Variants in ZNF569 observed in about 807,000 individuals in gnomAD.
ZNF569 encodes the protein zinc finger protein 569.
ZNF569 carries 38 observed loss-of-function variants against 56.3 expected under a neutral mutation model. That is an observed-to-expected ratio of 0.68 (90% CI 0.52 to 0.88). The LOEUF is 0.88. Among genes scored for constraint, ZNF569 ranks in the 40% least tolerant of loss-of-function variants. The pLI is 0.00. For missense variants in ZNF569, 666 were observed against 809.2 expected, an observed-to-expected ratio of 0.82 and a Z score of 2.15; for synonymous variants, 241 against 262.9, an observed-to-expected ratio of 0.92 and a Z score of 0.81.
At chr19:37,469,019 C>T, upstream of ZNF569, 1 of 983,064 alleles carries the variant, frequency 1.0e-6, no homozygotes. Context: ...CAACTCCCCG[C>T]CCTGGTTGCT....
intron 3 of ZNF569, among the ~76,000 whole-genome samples, chr19:37,428,076 C>T (rs1353009348): frequency 3.3e-5 from 5 of 152,044 alleles, no homozygotes; most frequent in Non-Finnish European, 7.4e-5. Context: ...GCCCCTAGCT[C>T]AAGAGTGAGA....
At chr19:37,440,133 AT>A (rs1481903823) in intron 3 of ZNF569, among the ~76,000 whole-genome samples, 1 of 152,210 alleles carries the variant, frequency 6.6e-6, no homozygotes, top group East Asian at 1.9e-4. Flanking sequence ...GTATGCCTGT[AT>A]CAAAATACCT....
At chr19:37,445,352 A>C (rs751996214) in intron 2 of ZNF569, among the ~76,000 whole-genome samples, 1 of 152,238 alleles carries the variant, frequency 6.6e-6, no homozygotes, top group South Asian at 2.1e-4. Flanking sequence ...AAAAGGTGAT[A>C]TATCTTGAGG....
intron 3 of ZNF569, among the ~76,000 whole-genome samples, chr19:37,440,852 CTT>C (rs1555837968): frequency 6.6e-6 from 1 of 152,156 alleles, no homozygotes; most frequent in Non-Finnish European, 1.5e-5. Flanking sequence ...TAGATGAAGA[CTT>C]AATATGGCAA....
rs1252249227 is a variant in ZNF569, at chr19:37,413,008, A to G, written c.1650T>C (p.Tyr550=). Reference sequence around the variant, plus strand: ...AGGCTTTACCACATTTATCACATTCATAAGGCTTTTCCCCTGTATGACTTC... The same window carrying G: ...AGGCTTTACCACATTTATCACATTCGTAAGGCTTTTCCCCTGTATGACTTC... ...HLRSHTGEKP[Y]ECDKCGKAFS... Residue 550 remains tyrosine, a synonymous_variant, in exon 6 of 6, where the codon TAT becomes TAC. Coordinates refer to ENST00000316950, the MANE Select transcript of ZNF569 (RefSeq NM_152484.3). The G allele has an allele frequency of 5.0e-6, 8 of 1,613,896 alleles. No homozygotes were observed. The highest frequency in any genetic ancestry group is 2.2e-5 in the South Asian group (2 of 91,052).
In ZNF569 at chr19:37,414,439, A is replaced by T. The variant is rs753602918; in HGVS notation, c.239-20T>A. The T allele has an allele frequency of 3.9e-6, 6 of 1,528,374 alleles. No homozygotes were observed. In the East Asian group the frequency reaches 1.4e-4, roughly 35 times the overall value. 94.7% of individuals were successfully genotyped at this position (1,528,374 alleles called of 1,614,324 possible). ...TTTCTCCTAAAACAGATTGCAAATA[A>T]ATATCACTTACAAATTTTTTTCCAA... is the stretch of plus-strand genomic sequence containing the variant. On this transcript the variant is annotated intron_variant, in intron 5 of 5. Transcript: ENST00000316950.
chr19:37,443,786 C>T (rs1391137430), intron 3 of ZNF569, among the ~76,000 whole-genome samples: 4 of 151,220 alleles, frequency 2.6e-5, no homozygotes, highest in Non-Finnish European at 5.9e-5. Context: ...GCAGGTGGAT[C>T]ACTTGAGGTC....
At chr19:37,464,981 A>T (rs2041808960) in intron 2 of ZNF569, among the ~76,000 whole-genome samples, 1 of 152,144 alleles carries the variant, frequency 6.6e-6, no homozygotes, top group South Asian at 2.1e-4. Flanking sequence ...GCCCAATTTG[A>T]TCTGCCCTCC....
intron 5 of ZNF569, 189 bp downstream of exon 5, chr19:37,425,679 G>A: frequency 2.1e-6 from 1 of 480,008 alleles, no homozygotes. Flanking sequence ...TGCCCAGGCT[G>A]GTCCCAAACT....
intron 5 of ZNF569, among the ~76,000 whole-genome samples, chr19:37,425,371 G>C (rs2146887081): frequency 6.7e-6 from 1 of 148,172 alleles, no homozygotes; most frequent in East Asian, 2.0e-4. Flanking sequence ...GCCCAGGCTG[G>C]AGTGCAGTGG....
At position 37,413,864 on chromosome 19, in the gene ZNF569, G is replaced by T; in HGVS notation, c.794C>A (p.Thr265Asn). The T allele has an allele frequency of 6.2e-7, 1 of 1,613,448 alleles. No homozygotes were observed. Among genetic ancestry groups the T allele is most frequent in the Non-Finnish European group, 8.5e-7 (1 of 1,179,908 alleles). ...CTTACATGCATAGGGCTTCTCTCCA[G>T]TATGAATTCTTTGATGTCTAATGAG... The part of the protein sequence containing the change: ...SNLIRHQRIH[T>N]GEKPYACKEC... Residue 265 changes from threonine to asparagine, a missense_variant, in exon 6 of 6, where the codon ACT (threonine) becomes AAT (asparagine). By Grantham distance (65) the Thr-to-Asn change is moderately conservative (BLOSUM62 0). Transcript: ENST00000316950.
chr19:37,469,241 G>A, upstream of ZNF569: 2 of 1,376,724 alleles, frequency 1.5e-6, no homozygotes, highest in Non-Finnish European at 9.4e-7. Context: ...CACCGCTGCT[G>A]CCAGACACTG....
At chr19:37,462,765 C>T (rs1201719749) in intron 2 of ZNF569, among the ~76,000 whole-genome samples, 1 of 152,182 alleles carries the variant, frequency 6.6e-6, no homozygotes, top group Non-Finnish European at 1.5e-5. Flanking sequence ...TTTGCCTCTA[C>T]CTTTCTCTAT....
Position 37,413,221 on chromosome 19 carries a change from T to C in ZNF569, c.1437A>G (p.Ser479=). ...KECGKAFSQK[S]NLIAHEKIHS... is the part of the protein sequence containing the mutation. Reference sequence around the variant, plus strand: ...GAATTTTTTCATGAGCAATGAGATTTGATTTCTGGCTAAAGGCTTTCCCAC... The same window carrying C: ...GAATTTTTTCATGAGCAATGAGATTCGATTTCTGGCTAAAGGCTTTCCCAC... Residue 479 remains serine, a synonymous_variant, in exon 6 of 6, where the codon TCA becomes TCG. Coordinates refer to ENST00000316950, the MANE Select transcript of ZNF569 (RefSeq NM_152484.3). 1.2e-6 allele frequency: 2 copies of C among 1,610,598 alleles called. No individual in the cohort carries two copies. The highest frequency in any genetic ancestry group is 1.7e-6 in the Non-Finnish European group (2 of 1,178,902).
chr19:37,428,524 T>TAA lies in ZNF569; in HGVS notation c.16-2148_16-2147dup, dbSNP rs577659092. Among the ~76,000 whole-genome samples the TAA allele has an allele frequency of 7.2e-3, 636 of 87,902 alleles. 7 individuals are homozygous for TAA. Among genetic ancestry groups the TAA allele is most frequent in the South Asian group, 0.019 (53 of 2,734 alleles). The allele number at this position is 87,902 out of a possible 152,430, so 57.7% of individuals were successfully genotyped here. A position where few individuals can be genotyped will look rare whatever the true frequency, so the allele number is the denominator to read the frequency against. On this transcript the variant is annotated intron_variant, in intron 3 of 5. Coordinates refer to ENST00000316950, the MANE Select transcript of ZNF569 (RefSeq NM_152484.3). ...GGCAATAGAACAAGACCCTGTCTCT[T>TAA]AAAAAAAAAAAAAAAAAAAAAGCTG...
At position 37,412,634 on chromosome 19, in the gene ZNF569, G is replaced by A. The variant is rs545354210; in HGVS notation, c.2024C>T (p.Ser675Leu). ...AATTCTCTGGTGTCTAACAAGGTGCGACTTTTGGCTGAAAGCCTTGCCACA... is the reference window on the plus strand; with the variant it reads ...AATTCTCTGGTGTCTAACAAGGTGCAACTTTTGGCTGAAAGCCTTGCCACA... ...IECGKAFSQKSHLVRHQRIHT... is the reference protein window; with the variant it reads ...IECGKAFSQKLHLVRHQRIHT... The change falls in exon 6 of 6, where the codon TCG becomes TTG. Residue 675 changes from serine (S) to leucine (L), a missense_variant. By Grantham distance (145) the Ser-to-Leu change is moderately radical. Transcript: ENST00000316950. 29 of 1,609,902 alleles carry A rather than the reference G, an allele frequency of 1.8e-5. 1 individual carries two copies. The highest frequency in any genetic ancestry group is 1.1e-4 in the South Asian group (10 of 90,402).
At chr19:37,450,212 GAGA>G (rs2041569930) in intron 2 of ZNF569, among the ~76,000 whole-genome samples, 2 of 152,168 alleles carry the variant, frequency 1.3e-5, no homozygotes, top group Admixed American at 1.3e-4. Flanking sequence ...GAAAGATTTT[GAGA>G]AGGATTTCCA....
intron 3 of ZNF569, among the ~76,000 whole-genome samples, chr19:37,429,417 G>C (rs1333864500): frequency 6.6e-6 from 1 of 152,234 alleles, no homozygotes; most frequent in African/African-American, 2.4e-5. Flanking sequence ...TACAGGACCA[G>C]CCTTGAACTT....
At position 37,411,742 on chromosome 19, in the gene ZNF569, C is replaced by A. The variant is rs1293431814; in HGVS notation, c.*855G>T. Reference sequence around the variant, plus strand: ...AAAGCTAAAATTTTTCTCCTATGAACCTTCCATTTATTAAATAAGCCATTC... The same window carrying A: ...AAAGCTAAAATTTTTCTCCTATGAAACTTCCATTTATTAAATAAGCCATTC... On this transcript the variant is annotated 3_prime_UTR_variant, in exon 6 of 6. Coordinates refer to ENST00000316950, the MANE Select transcript of ZNF569 (RefSeq NM_152484.3). 6.6e-6 allele frequency: 1 copy of A among 152,048 alleles called. No homozygotes were observed. The highest frequency in any genetic ancestry group is 1.9e-4 in the East Asian group (1 of 5,198). The allele number at this position is 152,048 out of a possible 1,614,324, so 9.4% of individuals were successfully genotyped here. A position where few individuals can be genotyped will look rare whatever the true frequency, so the allele number is the denominator to read the frequency against.
Sources: gnomAD v4.1 joint callset for allele counts (sites outside exome capture counted in the v4.1 genomes callset) on GRCh38, gnomAD v4.1.1 for gene constraint, MANE v1.5 for transcripts, NCBI Gene and HGNC (gene_info 2026-07-23, HGNC 2026-07-21) for gene names.